CPNE4: variants seen among roughly 807,000 people sequenced by gnomAD.
The protein encoded by CPNE4 is copine 4, also known as copine-4.
Under a neutral mutation model 67.9 loss-of-function variants are expected in CPNE4, and 25 were observed. The observed-to-expected ratio is 0.37, with a 90% CI of 0.27 to 0.51. The LOEUF (loss-of-function observed/expected upper bound fraction) is 0.51, where lower values mean the gene tolerates loss of function less well. Ranked by LOEUF, CPNE4 falls within the 20% of genes least tolerant of loss-of-function variation. CPNE4 has a pLI of 0.93. For missense variants in CPNE4, 464 were observed against 690.8 expected (o/e 0.67, Z 3.68); for synonymous variants, 242 against 244.9 (o/e 0.99, Z 0.11).
chr3:131,860,684 G>A (rs1482986794), intron 2 of CPNE4, among the ~76,000 whole-genome samples: 1 of 151,516 alleles, frequency 6.6e-6, no homozygotes, highest in Non-Finnish European at 1.5e-5. Context: ...AAAGAGTCTT[G>A]GTTTTTTTAT....
At chr3:131,739,408 C>T (rs1382118884) in intron 2 of CPNE4, among the ~76,000 whole-genome samples, 2 of 152,218 alleles carry the variant, frequency 1.3e-5, no homozygotes, top group African/African-American at 4.8e-5. Flanking sequence ...CTCTGTCCTT[C>T]TGCCTCCTGA....
At chr3:131,675,554 A>G (rs2080533963) in intron 6 of CPNE4, among the ~76,000 whole-genome samples, 1 of 152,072 alleles carries the variant, frequency 6.6e-6, no homozygotes, top group African/African-American at 2.4e-5. Context: ...CCCCTTGATC[A>G]TTATATAATT....
intron 2 of CPNE4, among the ~76,000 whole-genome samples, chr3:131,768,076 T>C (rs2083068075): frequency 6.6e-6 from 1 of 152,104 alleles, no homozygotes; most frequent in Non-Finnish European, 1.5e-5. Context: ...GATTTAGGAT[T>C]GTAATCAGGC....
chr3:131,666,671 G>A (rs1388065204), intron 7 of CPNE4, among the ~76,000 whole-genome samples: 2 of 152,104 alleles, frequency 1.3e-5, no homozygotes, highest in Non-Finnish European at 2.9e-5. Flanking sequence ...TAATAATACT[G>A]GGGCATTCTT....
At chr3:131,685,187 T>A (rs984331675) in intron 6 of CPNE4, among the ~76,000 whole-genome samples, 1 of 152,014 alleles carries the variant, frequency 6.6e-6, no homozygotes, top group Admixed American at 6.6e-5. Context: ...GGGGTCATCA[T>A]CATCATCATC....
chr3:131,825,334 A>G (rs569831282), intron 2 of CPNE4, among the ~76,000 whole-genome samples: 2 of 152,172 alleles, frequency 1.3e-5, no homozygotes, highest in South Asian at 4.2e-4. Context: ...TGTCTCTACT[A>G]AAAATACAAA....
At chr3:131,854,774 T>A (rs79274285) in intron 2 of CPNE4, among the ~76,000 whole-genome samples, 2 of 151,674 alleles carry the variant, frequency 1.3e-5, no homozygotes, top group East Asian at 3.9e-4. Flanking sequence ...CTTTATTCCC[T>A]CTCCTCTTTC....
intron 2 of CPNE4, among the ~76,000 whole-genome samples, chr3:131,828,920 G>A (rs925924824): frequency 6.6e-6 from 1 of 152,200 alleles, no homozygotes; most frequent in African/African-American, 2.4e-5. Flanking sequence ...CACTGTATTA[G>A]TCTGTTTTCA....
intron 2 of CPNE4, among the ~76,000 whole-genome samples, chr3:131,821,960 A>G (rs1369322397): frequency 5.9e-5 from 9 of 152,220 alleles, no homozygotes; most frequent in Non-Finnish European, 1.2e-4. Flanking sequence ...TACCAGTAGC[A>G]GTGTAATGTT....
chr3:131,716,530 T>C (rs566022869), intron 3 of CPNE4, among the ~76,000 whole-genome samples: 1 of 152,266 alleles, frequency 6.6e-6, no homozygotes, highest in South Asian at 2.1e-4. Flanking sequence ...TTTACTATTA[T>C]ACTCGCCCAG....
At chr3:131,729,883 C>T (rs374717306) in intron 2 of CPNE4, among the ~76,000 whole-genome samples, 1 of 152,322 alleles carries the variant, frequency 6.6e-6, no homozygotes, top group East Asian at 1.9e-4. Context: ...AAGCTGCCTC[C>T]TGCCTAGTAA....
At chr3:131,886,068 T>G (rs569992417) in intron 2 of CPNE4, among the ~76,000 whole-genome samples, 15 of 152,140 alleles carry the variant, frequency 9.9e-5, no homozygotes, top group African/African-American at 3.6e-4. Flanking sequence ...CCAGGACATG[T>G]CAGAGATCTT....
intron 2 of CPNE4, among the ~76,000 whole-genome samples, chr3:131,763,235 C>T (rs1457274546): frequency 3.9e-5 from 6 of 152,082 alleles, no homozygotes; most frequent in African/African-American, 1.4e-4. Flanking sequence ...GATTTAGCAA[C>T]TGACTTAATA....
At chr3:131,940,172 T>C (rs1361056029) in intron 1 of CPNE4, among the ~76,000 whole-genome samples, 3 of 152,128 alleles carry the variant, frequency 2.0e-5, no homozygotes, top group Non-Finnish European at 4.4e-5. Flanking sequence ...TGATAATTTA[T>C]ATAAAAAAAG....
chr3:131,921,225 A>G (rs2070732347), intron 1 of CPNE4, among the ~76,000 whole-genome samples: 1 of 152,170 alleles, frequency 6.6e-6, no homozygotes, highest in African/African-American at 2.4e-5. Flanking sequence ...TTAGAACACC[A>G]GAGTACGTTC....
At chr3:131,959,594 G>A (rs1159174841) in intron 1 of CPNE4, among the ~76,000 whole-genome samples, 1 of 152,000 alleles carries the variant, frequency 6.6e-6, no homozygotes, top group East Asian at 1.9e-4. Context: ...ATCACATTGT[G>A]GAAATTGGAA....
At chr3:131,871,029 C>T (rs2087177886) in intron 2 of CPNE4, among the ~76,000 whole-genome samples, 1 of 151,932 alleles carries the variant, frequency 6.6e-6, no homozygotes, top group South Asian at 2.1e-4. Context: ...TATTAAGCCA[C>T]TTTAGTAGTC....
In CPNE4 at chr3:131,728,451, C is replaced by A. The variant is rs772347473; in HGVS notation, c.181-4826G>T. On this transcript the variant is annotated intron_variant, in intron 2 of 15. Coordinates refer to ENST00000429747, the MANE Select transcript of CPNE4 (RefSeq NM_130808.3). The stretch of plus-strand genomic sequence containing the variant: ...GTTATGCAAATTTGAAGCATTTTTT[C>A]ATAAACACTGTTGCTCAAAGTAATG... 4.1e-4 allele frequency among the ~76,000 whole-genome samples: 62 copies of A among 152,080 alleles called. 1 individual carries two copies. The highest frequency in any genetic ancestry group is 4.1e-4 in the South Asian group (2 of 4,830).
intron 7 of CPNE4, among the ~76,000 whole-genome samples, chr3:131,653,205 G>T (rs2107627403): frequency 6.7e-6 from 1 of 149,072 alleles, no homozygotes; most frequent in South Asian, 2.1e-4. Context: ...GAGTGCAGTG[G>T]TGCGATCTCG....
Sources: allele counts gnomAD v4.1 joint callset (sites outside exome capture counted in the v4.1 genomes callset), GRCh38; gene constraint gnomAD v4.1.1; transcripts MANE v1.5; gene names NCBI Gene and HGNC (gene_info 2026-07-23, HGNC 2026-07-21).